The following PPP2R3B variants were observed in gnomAD, a reference collection of about 807,000 sequenced individuals.
PPP2R3B encodes protein phosphatase 2 regulatory subunit B''beta.
A neutral mutation model predicts 72.9 loss-of-function variants in PPP2R3B; 68 were observed. The ratio of observed to expected loss-of-function variants is 0.93; its 90% CI spans 0.77 to 1.14. PPP2R3B has a LOEUF of 1.14. Ranked by LOEUF, PPP2R3B falls within the 50% of genes most tolerant of loss-of-function variation. The pLI is 0.00. For missense variants in PPP2R3B, 1,018 were observed against 842.0 expected, an observed-to-expected ratio of 1.21 and a Z score of -2.59; for synonymous variants, 466 against 375.8, an observed-to-expected ratio of 1.24 and a Z score of -2.78.
intron 1 of PPP2R3B, among the ~76,000 whole-genome samples, chrX:374,688 C>T (rs1334141159): frequency 6.6e-6 from 1 of 152,172 alleles, no homozygotes; most frequent in South Asian, 2.1e-4. Context: ...TCCCGGGTCC[C>T]CGATCAGGAA....
chrX:353,051 G>A (rs976163925), intron 2 of PPP2R3B, among the ~76,000 whole-genome samples: 6 of 151,832 alleles, frequency 4.0e-5, no homozygotes, highest in African/African-American at 1.5e-4. Flanking sequence ...TCGTAATCCT[G>A]AGTTCTTGTG....
In PPP2R3B at chrX:373,690, G is replaced by A. The variant is rs184061743; in HGVS notation, c.325-12100C>T. 1,158 of 164,126 alleles carry A rather than the reference G, an allele frequency of 7.1e-3. 14 individuals are homozygous for A. Among genetic ancestry groups the A allele is most frequent in the Middle Eastern group, 0.035 (12 of 342 alleles). 10.2% of individuals were successfully genotyped at this position (164,126 alleles called of 1,614,324 possible). A position where few individuals can be genotyped will look rare whatever the true frequency, so the allele number is the denominator to read the frequency against. On this transcript the variant is annotated intron_variant, in intron 1 of 12. Coordinates refer to ENST00000390665, the MANE Select transcript of PPP2R3B (RefSeq NM_013239.5). The stretch of plus-strand genomic sequence containing the variant: ...GCGCGCAGGGCTCTCCGCGGGCCGG[G>A]CCGGGCGCCGCGCTCTCGGGGCAGG...
intron 1 of PPP2R3B, among the ~76,000 whole-genome samples, chrX:372,839 A>C (rs2071895538): frequency 6.6e-6 from 1 of 152,176 alleles, no homozygotes; most frequent in Non-Finnish European, 1.5e-5. Flanking sequence ...GAAGCAGGAA[A>C]ATCACTTGAA....
chrX:338,166 C>A (rs967513247), intron 12 of PPP2R3B: 2 of 279,792 alleles, frequency 7.1e-6, no homozygotes, highest in African/African-American at 2.1e-5. Flanking sequence ...AGAACCCTCA[C>A]GCTCCGTGAG....
intron 1 of PPP2R3B, among the ~76,000 whole-genome samples, chrX:369,919 G>A (rs944497938): frequency 1.3e-5 from 2 of 152,166 alleles, no homozygotes; most frequent in Admixed American, 1.3e-4. Flanking sequence ...AATCAGGGAC[G>A]GGGGGTTTGG....
At chrX:346,056 T>TGGGGGTGGGGGG (rs2071200270) in intron 6 of PPP2R3B, 118 bp downstream of exon 6, 8 of 397,774 alleles carry the variant, frequency 2.0e-5, no homozygotes, top group African/African-American at 1.4e-4. Flanking sequence ...GGGGTGGGGG[T>TGGGGGTGGGGGG]GGGGGTGGGA....
chrX:335,493 AT>A (rs1245801180), intron 12 of PPP2R3B: 7 of 152,186 alleles, frequency 4.6e-5, no homozygotes, highest in African/African-American at 1.7e-4. Context: ...CTTGGCAGGA[AT>A]CGGACGGGGC....
At chrX:338,503 C>G in intron 12 of PPP2R3B, 101 bp downstream of exon 12, 1 of 1,205,010 alleles carries the variant, frequency 8.3e-7, no homozygotes. Flanking sequence ...GACCCCGCAT[C>G]CCCCGGCTGC....
intron 1 of PPP2R3B, among the ~76,000 whole-genome samples, chrX:363,937 C>T (rs1245630382): frequency 3.9e-5 from 6 of 152,254 alleles, no homozygotes; most frequent in African/African-American, 1.4e-4. Flanking sequence ...ATGAAAACTG[C>T]CAAGAACCCT....
chrX:361,437 C>T lies in PPP2R3B; in HGVS notation c.478G>A (p.Ala160Thr), dbSNP rs1478796458. ...STFARFPHER[A>T]TMDDMGLVAK... is the part of the protein sequence containing the mutation. The stretch of plus-strand genomic sequence containing the variant: ...ACCAGGCCCATGTCATCCATGGTGG[C>T]CCTCTCGTGGGGGAACCGGGCGAAG... Residue 160 changes from alanine to threonine, a missense_variant, in exon 2 of 13, where the codon GCC becomes ACC. By Grantham distance (58) the Ala-to-Thr change is moderately conservative. Coordinates refer to ENST00000390665, the MANE Select transcript of PPP2R3B (RefSeq NM_013239.5). 1 of 1,613,996 alleles carries T rather than the reference C, an allele frequency of 6.2e-7. No homozygotes were observed. The highest frequency in any genetic ancestry group is 1.7e-5 in the Admixed American group (1 of 60,022).
intron 2 of PPP2R3B, among the ~76,000 whole-genome samples, chrX:352,475 T>C (rs924288065): frequency 3.9e-5 from 6 of 152,180 alleles, no homozygotes; most frequent in African/African-American, 1.4e-4. Context: ...CTTTTAGACC[T>C]GGCTTCCCTC....
chrX:369,968 C>T (rs1460638623), intron 1 of PPP2R3B, among the ~76,000 whole-genome samples: 3 of 152,178 alleles, frequency 2.0e-5, no homozygotes, highest in Non-Finnish European at 4.4e-5. Context: ...GAGCCCCTCG[C>T]CCACCCAGAT....
chrX:376,334 G>A (rs60651260), intron 1 of PPP2R3B, among the ~76,000 whole-genome samples: 3 of 151,924 alleles, frequency 2.0e-5, no homozygotes, highest in Non-Finnish European at 2.9e-5. Flanking sequence ...GAGCCCTTGC[G>A]TCCTGTCCCG....
chrX:347,560 A>C, intron 3 of PPP2R3B, 30 bp downstream of exon 3: 1 of 1,554,796 alleles, frequency 6.4e-7, no homozygotes. Context: ...CGCCCTCCCG[A>C]CACAGCCCCC....
chrX:347,490 C>G, intron 3 of PPP2R3B, 100 bp downstream of exon 3: 1 of 1,399,428 alleles, frequency 7.1e-7, no homozygotes, highest in Admixed American at 1.9e-5. Context: ...GGTTTCTCCT[C>G]TCACTGCGGC....
intron 2 of PPP2R3B, among the ~76,000 whole-genome samples, chrX:354,049 A>ACCCAAAGACCAGGGCTCG (rs2071388205): frequency 8.0e-6 from 1 of 125,484 alleles, no homozygotes; most frequent in Non-Finnish European, 1.6e-5. Flanking sequence ...CCAGGGGCTC[A>ACCCAAAGACCAGGGCTCG]CCCAAAGACC....
chrX:367,055 G>T (rs1007070090), intron 1 of PPP2R3B, among the ~76,000 whole-genome samples: 9 of 141,832 alleles, frequency 6.3e-5, no homozygotes, highest in Non-Finnish European at 1.1e-4. Context: ...ATGAATACTT[G>T]GACATTTTTA....
chrX:351,395 G>A (rs2071330164), intron 2 of PPP2R3B, among the ~76,000 whole-genome samples: 5 of 152,210 alleles, frequency 3.3e-5, no homozygotes, highest in African/African-American at 1.2e-4. Context: ...CTTCACATCT[G>A]TGCTCCTCAC....
chrX:362,077 G>GAGAGGC (rs1194109641), intron 1 of PPP2R3B, among the ~76,000 whole-genome samples: 29 of 152,230 alleles, frequency 1.9e-4, no homozygotes, highest in South Asian at 1.0e-3. Flanking sequence ...CTCACATTCT[G>GAGAGGC]AGAGGCAGAG....
Sources: gnomAD v4.1 joint callset for allele counts (sites outside exome capture counted in the v4.1 genomes callset) on GRCh38, gnomAD v4.1.1 for gene constraint, MANE v1.5 for transcripts, NCBI Gene and HGNC (gene_info 2026-07-23, HGNC 2026-07-21) for gene names.